The following DLG2 variants were observed in gnomAD, a reference collection of about 807,000 sequenced individuals.
DLG2 encodes the protein discs large MAGUK scaffold protein 2.
A neutral mutation model predicts 132.5 loss-of-function variants in DLG2; 45 were observed. The observed-to-expected ratio is 0.34, with a 90% CI of 0.27 to 0.44. The LOEUF (loss-of-function observed/expected upper bound fraction) is 0.44. Ranked by LOEUF, DLG2 falls within the 20% of genes least tolerant of loss-of-function variation. The pLI, the probability that DLG2 is intolerant of heterozygous loss-of-function variation, is 1.00. For synonymous variants in DLG2, 424 were observed against 419.6 expected (o/e 1.01, Z -0.13); for missense variants, 1,045 against 1,196.9 (o/e 0.87, Z 1.87).
chr11:85,581,807 G>A (rs566470454), intron 3 of DLG2, among the ~76,000 whole-genome samples: 4 of 152,106 alleles, frequency 2.6e-5, no homozygotes, highest in African/African-American at 4.8e-5. Flanking sequence ...AGATTGAGTC[G>A]TGAGACAATG....
chr11:84,465,977 G>A (rs1423452256), intron 7 of DLG2, among the ~76,000 whole-genome samples: 1 of 151,122 alleles, frequency 6.6e-6, no homozygotes, highest in Admixed American at 6.6e-5. Flanking sequence ...ATAATTTGAT[G>A]TTGCCATACT....
chr11:85,483,248 A>G (rs889460221), intron 3 of DLG2, among the ~76,000 whole-genome samples: 2 of 152,242 alleles, frequency 1.3e-5, no homozygotes, highest in African/African-American at 2.4e-5. Context: ...AAGTTCCAAT[A>G]AGGCTAGCAA....
intron 7 of DLG2, among the ~76,000 whole-genome samples, chr11:84,295,390 A>T (rs181914592): frequency 2.0e-5 from 3 of 152,324 alleles, no homozygotes; most frequent in Admixed American, 6.5e-5. Flanking sequence ...GCATTATCAA[A>T]TGCCAGGGCT....
At chr11:85,453,816 T>G (rs765337157) in intron 3 of DLG2, 5 of 152,114 alleles carry the variant, frequency 3.3e-5, no homozygotes, top group Non-Finnish European at 7.4e-5. Context: ...TAGGGGTACA[T>G]GCACAGAATT....
At chr11:84,372,065 C>T (rs2098708927) in intron 7 of DLG2, among the ~76,000 whole-genome samples, 1 of 152,138 alleles carries the variant, frequency 6.6e-6, no homozygotes, top group Admixed American at 6.6e-5. Context: ...AGTATATTTA[C>T]ATTTAAATTA....
intron 10 of DLG2, among the ~76,000 whole-genome samples, chr11:84,077,065 T>C (rs553896407): frequency 6.6e-6 from 1 of 152,328 alleles, no homozygotes; most frequent in South Asian, 2.1e-4. Flanking sequence ...AAACCCAGCC[T>C]CTACTTAAGT....
At chr11:85,066,713 C>T (rs1237450353) in intron 6 of DLG2, among the ~76,000 whole-genome samples, 2 of 151,508 alleles carry the variant, frequency 1.3e-5, no homozygotes, top group Non-Finnish European at 3.0e-5. Flanking sequence ...TCAACAGACA[C>T]CGAAAAAGCA....
At chr11:83,627,335 T>C (rs1006994752) in intron 19 of DLG2, among the ~76,000 whole-genome samples, 6 of 152,164 alleles carry the variant, frequency 3.9e-5, no homozygotes, top group African/African-American at 1.4e-4. Flanking sequence ...ATTAGGTATA[T>C]CTCCTAATGC....
chr11:84,300,822 G>A (rs1185821454), intron 7 of DLG2, among the ~76,000 whole-genome samples: 1 of 152,136 alleles, frequency 6.6e-6, no homozygotes, highest in South Asian at 2.1e-4. Flanking sequence ...CAAGAGTACA[G>A]GCAGAAAGAC....
chr11:84,250,123 G>A (rs1226808190), intron 8 of DLG2, among the ~76,000 whole-genome samples: 2 of 152,206 alleles, frequency 1.3e-5, no homozygotes, highest in Admixed American at 6.5e-5. Context: ...CAGACACAGT[G>A]TTTGCACTTT....
At chr11:84,687,795 C>CA (rs916191504) in intron 6 of DLG2, among the ~76,000 whole-genome samples, 65 of 151,348 alleles carry the variant, frequency 4.3e-4, no homozygotes, top group South Asian at 2.1e-3. Flanking sequence ...CATTAAATGT[C>CA]AAAAAAAATG....
At chr11:83,772,698 G>T (rs1158763624) in intron 18 of DLG2, among the ~76,000 whole-genome samples, 2 of 152,138 alleles carry the variant, frequency 1.3e-5, no homozygotes, top group African/African-American at 2.4e-5. Context: ...AGGTGTCAGT[G>T]GTAAGCCAAC....
At chr11:85,084,116 A>G (rs2067592439) in intron 6 of DLG2, among the ~76,000 whole-genome samples, 1 of 152,224 alleles carries the variant, frequency 6.6e-6, no homozygotes, top group South Asian at 2.1e-4. Context: ...CTGAAAGAGT[A>G]TGTGGGATAA....
At chr11:84,269,421 T>C (rs1226681553) in intron 7 of DLG2, among the ~76,000 whole-genome samples, 2 of 152,250 alleles carry the variant, frequency 1.3e-5, no homozygotes, top group Non-Finnish European at 2.9e-5. Flanking sequence ...TTACTGAGCG[T>C]CAAAATTCTG....
intron 3 of DLG2, among the ~76,000 whole-genome samples, chr11:85,478,036 T>A (rs892969006): frequency 1.3e-5 from 2 of 151,850 alleles, no homozygotes; most frequent in African/African-American, 4.8e-5. Context: ...AGAGACAGCT[T>A]TCGTTCTGTC....
At chr11:83,828,632 A>G (rs1000660121) in intron 17 of DLG2, among the ~76,000 whole-genome samples, 1 of 152,170 alleles carries the variant, frequency 6.6e-6, no homozygotes, top group African/African-American at 2.4e-5. Flanking sequence ...TGTTCTACGA[A>G]ACACACTTTG....
intron 4 of DLG2, among the ~76,000 whole-genome samples, chr11:85,196,632 C>G (rs1182049731): frequency 1.3e-5 from 2 of 152,224 alleles, no homozygotes; most frequent in Non-Finnish European, 2.9e-5. Context: ...CCTTAGCACA[C>G]TGCTGGGACC....
chr11:85,137,807 T>C (rs1454668687), intron 5 of DLG2, among the ~76,000 whole-genome samples: 1 of 152,116 alleles, frequency 6.6e-6, no homozygotes, highest in East Asian at 1.9e-4. Context: ...TCTGCAAAGC[T>C]TGTTAGCTTA....
At chr11:83,627,050 GTC>G (rs972950904) in intron 19 of DLG2, among the ~76,000 whole-genome samples, 1 of 152,092 alleles carries the variant, frequency 6.6e-6, no homozygotes, top group African/African-American at 2.4e-5. Context: ...CAATTCTGTG[GTC>G]TCTCTGTCTG....
Sources: gnomAD v4.1 joint callset for allele counts (sites outside exome capture counted in the v4.1 genomes callset) on GRCh38, gnomAD v4.1.1 for gene constraint, MANE v1.5 for transcripts, NCBI Gene and HGNC (gene_info 2026-07-23, HGNC 2026-07-21) for gene names.